Variants in ZNF384 observed in about 807,000 individuals in gnomAD.
The protein encoded by ZNF384 is zinc finger protein 384.
A neutral mutation model predicts 65.0 loss-of-function variants in ZNF384; 20 were observed. The ratio of observed to expected loss-of-function variants is 0.31; its 90% CI spans 0.22 to 0.45. ZNF384 has a LOEUF of 0.45. Ranked by LOEUF, ZNF384 falls within the 20% of genes least tolerant of loss-of-function variation. The pLI is 1.00. For synonymous variants in ZNF384, 310 were observed against 303.9 expected (o/e 1.02, Z -0.21); for missense variants, 549 against 769.4 (o/e 0.71, Z 3.39).
In ZNF384 at chr12:6,673,521, G is replaced by T; in HGVS notation, c.780-81C>A. The stretch of plus-strand genomic sequence containing the variant: ...ACCCTCCCCTCTACTTCCAAGAGAA[G>T]CCCACCTATCTGAGGTCTCTCCTAC... On this transcript the variant is annotated intron_variant, in intron 7 of 11. Transcript: ENST00000683879. This position sits in a 1 kb window ranked among gnomAD's most constrained non-coding sequence, Gnocchi z 4.7. 1.6e-6 allele frequency: 2 copies of T among 1,271,366 alleles called. No homozygotes were observed. Among genetic ancestry groups the T allele is most frequent in the Non-Finnish European group, 2.2e-6 (2 of 903,644 alleles). 78.8% of individuals were successfully genotyped at this position (1,271,366 alleles called of 1,614,324 possible).
At position 6,673,564 on chromosome 12, in the gene ZNF384, G is replaced by A. The variant is rs1952366246; in HGVS notation, c.780-124C>T. 1.4e-6 allele frequency: 1 copy of A among 705,700 alleles called. No individual in the cohort carries two copies. Among genetic ancestry groups the A allele is most frequent in the African/African-American group, 1.8e-5 (1 of 55,616 alleles). 43.7% of individuals were successfully genotyped at this position (705,700 alleles called of 1,614,324 possible). ...TCTCCTACTCCAACTTGAGAGTAGA[G>A]CTCTATATATTCATCTTTATGGCCT... On this transcript the variant is annotated intron_variant, in intron 7 of 11. Transcript: ENST00000683879. This position sits in a 1 kb window ranked among gnomAD's most constrained non-coding sequence, Gnocchi z 4.7.
intron 2 of ZNF384, among the ~76,000 whole-genome samples, chr12:6,685,562 T>C (rs903972237): frequency 3.3e-5 from 5 of 151,824 alleles, no homozygotes; most frequent in African/African-American, 9.7e-5. Context: ...TGCCTGAGCT[T>C]AGGAGTTCAA....
At position 6,678,874 on chromosome 12, in the gene ZNF384, G is replaced by A. The variant is rs768154357; in HGVS notation, c.304+72C>T. ...CACATATCCCACTCCCCATGTCCTT[G>A]GAGCCCTCCAGCCTGGGGTACTGAT... On this transcript the variant is annotated intron_variant, in intron 4 of 11. Transcript: ENST00000683879. The surrounding 1 kb of genome is among the most constrained non-coding windows in gnomAD (Gnocchi z 4.9). 1 of 1,535,734 alleles carries A rather than the reference G, an allele frequency of 6.5e-7. No individual in the cohort carries two copies. Among genetic ancestry groups the A allele is most frequent in the Non-Finnish European group, 9.0e-7 (1 of 1,114,226 alleles).
In ZNF384 at chr12:6,667,695, TG is replaced by T; in HGVS notation, c.*18del. 1 of 1,614,042 alleles carries T rather than the reference TG, an allele frequency of 6.2e-7. No individual in the cohort carries two copies. The highest frequency in any genetic ancestry group is 1.6e-4 in the Middle Eastern group (1 of 6,062). On this transcript the variant is annotated 3_prime_UTR_variant, in exon 12 of 12. Coordinates refer to ENST00000683879, the MANE Select transcript of ZNF384 (RefSeq NM_001385745.1). ...CAGGACTACTTCTTCCTCTTCCCAG[TG>T]GGTGGCAGCACGGATCTCTAAGAGC...
Position 6,673,570 on chromosome 12 carries a change from T to C in ZNF384, c.780-130A>G, listed in dbSNP as rs1016706573. Reference sequence around the variant, plus strand: ...ACTCCAACTTGAGAGTAGAGCTCTATATATTCATCTTTATGGCCTAAGCTT... The same window carrying C: ...ACTCCAACTTGAGAGTAGAGCTCTACATATTCATCTTTATGGCCTAAGCTT... On this transcript the variant is annotated intron_variant, in intron 7 of 11. Transcript: ENST00000683879. This position sits in a 1 kb window ranked among gnomAD's most constrained non-coding sequence, Gnocchi z 4.7. 1.5e-6 allele frequency: 1 copy of C among 677,088 alleles called. No individual in the cohort carries two copies. The allele number at this position is 677,088 out of a possible 1,614,324, so 41.9% of individuals were successfully genotyped here.
rs1398096425 is a variant in ZNF384, at chr12:6,679,144, G to A, written c.106C>T (p.Leu36=). 6.2e-7 allele frequency: 1 copy of A among 1,602,380 alleles called. No individual in the cohort carries two copies. The highest frequency in any genetic ancestry group is 8.5e-7 in the Non-Finnish European group (1 of 1,172,914). The change falls in exon 4 of 12, where the codon CTG becomes TTG. Residue 36 remains leucine (L), a synonymous_variant. Coordinates refer to ENST00000683879, the MANE Select transcript of ZNF384 (RefSeq NM_001385745.1). ...TMFINKMKDQ[L]LPEKGCGLAP... is the part of the protein sequence containing the mutation. Reference sequence around the variant, plus strand: ...AGACCACAGCCCTTCTCTGGCAACAGCTGATCCTTCATCTTGTTGATGAAC... The same window carrying A: ...AGACCACAGCCCTTCTCTGGCAACAACTGATCCTTCATCTTGTTGATGAAC...
rs1445772213 is a variant in ZNF384, at chr12:6,670,848, A to G, written c.1188-10T>C. 2 of 1,613,254 alleles carry G rather than the reference A, an allele frequency of 1.2e-6. No homozygotes were observed. Among genetic ancestry groups the G allele is most frequent in the Non-Finnish European group, 1.7e-6 (2 of 1,179,314 alleles). On this transcript the variant is annotated splice_polypyrimidine_tract_variant and intron_variant, in intron 9 of 11. Transcript: ENST00000683879. ...ATCACCAGTGTGGATTCTGCACAGG[A>G]TAAGAGAAAAAAGGGAAAGAATGTC... is the stretch of plus-strand genomic sequence containing the variant.
At chr12:6,668,349 A>AT (rs1209951366) in intron 11 of ZNF384, among the ~76,000 whole-genome samples, 1 of 152,056 alleles carries the variant, frequency 6.6e-6, no homozygotes, top group African/African-American at 2.4e-5. Context: ...ATGAGCTGCT[A>AT]TTTTTTTCAA....
In ZNF384 at chr12:6,678,372, A is replaced by G. The variant is rs1342613815; in HGVS notation, c.441T>C (p.Ile147=). ...GTGAGCCAGGGGGAAGAGCTGAGAC[A>G]ATCATGGGAGCCGAAATGGGGAAGG... ...AQTFPISAPM[I]VSALPPGSQA... The change falls in exon 6 of 12, where the codon ATT becomes ATC. Residue 147 remains isoleucine (I), a synonymous_variant. Coordinates refer to ENST00000683879, the MANE Select transcript of ZNF384 (RefSeq NM_001385745.1). This position sits in a 1 kb window ranked among gnomAD's most constrained non-coding sequence, Gnocchi z 4.9. The G allele has an allele frequency of 6.8e-6, 11 of 1,613,792 alleles. No homozygotes were observed. Among genetic ancestry groups the G allele is most frequent in the Admixed American group, 1.7e-5 (1 of 59,950 alleles).
At position 6,673,035 on chromosome 12, in the gene ZNF384, T is replaced by C. The variant is rs1443388794; in HGVS notation, c.1004+181A>G. Reference sequence around the variant, plus strand: ...CAGACTTTGGAATTGGAGACCACAATTTTCAAGGCCCCCCAAATAGCTAGG... The same window carrying C: ...CAGACTTTGGAATTGGAGACCACAACTTTCAAGGCCCCCCAAATAGCTAGG... On this transcript the variant is annotated intron_variant, in intron 8 of 11. Coordinates refer to ENST00000683879, the MANE Select transcript of ZNF384 (RefSeq NM_001385745.1). This position sits in a 1 kb window ranked among gnomAD's most constrained non-coding sequence, Gnocchi z 4.7. 1.6e-6 allele frequency: 1 copy of C among 640,186 alleles called. No homozygotes were observed. The highest frequency in any genetic ancestry group is 1.8e-5 in the African/African-American group (1 of 54,390). The allele number at this position is 640,186 out of a possible 1,614,324, so 39.7% of individuals were successfully genotyped here. A position where few individuals can be genotyped will look rare whatever the true frequency, so the allele number is the denominator to read the frequency against.
Position 6,678,587 on chromosome 12 carries a change from G to A in ZNF384, c.352+76C>T, listed in dbSNP as rs1403826242. The A allele has an allele frequency of 1.9e-5, 30 of 1,570,774 alleles. No individual in the cohort carries two copies. The Admixed American group carries it at 5.1e-4, about 26-fold the overall frequency. On this transcript the variant is annotated intron_variant, in intron 5 of 11. Transcript: ENST00000683879. This position sits in a 1 kb window ranked among gnomAD's most constrained non-coding sequence, Gnocchi z 4.9. ...CCGCCGACCCAACCCAGAGTACACA[G>A]GAAATCCCAAACCCTGTAGAAAAAT...
chr12:6,667,053 A>G lies in ZNF384; in HGVS notation c.*661T>C, dbSNP rs1949948554. The G allele has an allele frequency of 4.4e-6, 1 of 227,896 alleles. No individual in the cohort carries two copies. The highest frequency in any genetic ancestry group is 8.7e-6 in the Non-Finnish European group (1 of 114,526). The allele number at this position is 227,896 out of a possible 1,614,324, so 14.1% of individuals were successfully genotyped here. On this transcript the variant is annotated 3_prime_UTR_variant, in exon 12 of 12. Transcript: ENST00000683879. ...CTTCAAGGAAATCCGTAAAACCATA[A>G]CACACACTTCTAAGCCACCTGTGAC...
In ZNF384 at chr12:6,667,102, T is replaced by C. The variant is rs1949956846; in HGVS notation, c.*612A>G. ...ACCAACTTGGGAATTTCTGGCCCCTTGGGGACCACATCTCAGCCCTTGCCC... is the reference window on the plus strand; with the variant it reads ...ACCAACTTGGGAATTTCTGGCCCCTCGGGGACCACATCTCAGCCCTTGCCC... On this transcript the variant is annotated 3_prime_UTR_variant, in exon 12 of 12. Transcript: ENST00000683879. 4.3e-6 allele frequency: 1 copy of C among 234,566 alleles called. No homozygotes were observed. Among genetic ancestry groups the C allele is most frequent in the Non-Finnish European group, 8.5e-6 (1 of 118,068 alleles). 14.5% of individuals were successfully genotyped at this position (234,566 alleles called of 1,614,324 possible).
chr12:6,670,637 T>G, intron 10 of ZNF384, 123 bp downstream of exon 10: 1 of 903,786 alleles, frequency 1.1e-6, no homozygotes, highest in Non-Finnish European at 1.8e-6. Flanking sequence ...AAACAAAAAC[T>G]CTTTGGGTCC....
chr12:6,668,556 T>C (rs1214472038), intron 11 of ZNF384, among the ~76,000 whole-genome samples: 1 of 151,530 alleles, frequency 6.6e-6, no homozygotes, highest in Non-Finnish European at 1.5e-5. Context: ...TACAAAAAGT[T>C]GCTGGGCATG....
At position 6,673,981 on chromosome 12, in the gene ZNF384, A is replaced by C. The variant is rs1952545584; in HGVS notation, c.780-541T>G. On this transcript the variant is annotated intron_variant, in intron 7 of 11. Coordinates refer to ENST00000683879, the MANE Select transcript of ZNF384 (RefSeq NM_001385745.1). The surrounding 1 kb of genome is among the most constrained non-coding windows in gnomAD (Gnocchi z 4.7). ...AGGGATGGGGGTGAGGAAGTATCAG[A>C]ATTATTTGGAGGGGCTTTTTCAAAC... Among the ~76,000 whole-genome samples the C allele has an allele frequency of 6.6e-6, 1 of 152,014 alleles. No individual in the cohort carries two copies. Among genetic ancestry groups the C allele is most frequent in the Non-Finnish European group, 1.5e-5 (1 of 68,016 alleles).
Position 6,667,739 on chromosome 12 carries a change from T to C in ZNF384, c.1802A>G (p.Gln601Arg). 1 of 1,614,194 alleles carries C rather than the reference T, an allele frequency of 6.2e-7. No homozygotes were observed. Among genetic ancestry groups the C allele is most frequent in the Non-Finnish European group, 8.5e-7 (1 of 1,180,030 alleles). The part of the protein sequence containing the change: ...ICLTVTTSTI[Q>R]VEHLASS ...CTAAGAGCTGGCCAGGTGCTCCACC[T>C]GGATGGTGCTGGTGGTGACAGTGAG... Residue 601 changes from glutamine to arginine, a missense_variant, in exon 12 of 12, where the codon CAG (glutamine) becomes CGG (arginine). Gln to Arg is a conservative substitution (Grantham distance 43, BLOSUM62 1). Around this residue, in one of 5 missense-constraint regions of ZNF384, gnomAD observed 136 missense variants for 183.0 expected, o/e 0.74. Coordinates refer to ENST00000683879, the MANE Select transcript of ZNF384 (RefSeq NM_001385745.1).
intron 7 of ZNF384, among the ~76,000 whole-genome samples, chr12:6,676,952 G>C (rs1381725134): frequency 6.6e-6 from 1 of 152,188 alleles, no homozygotes; most frequent in Non-Finnish European, 1.5e-5. Flanking sequence ...TTTATAAAGA[G>C]CGGTTTAAAC....
chr12:6,668,210 G>C, intron 11 of ZNF384, 95 bp from the exon 12 acceptor site: 1 of 1,310,722 alleles, frequency 7.6e-7, no homozygotes, highest in Non-Finnish European at 1.1e-6. Flanking sequence ...GCTGTAAGCA[G>C]AGTAAGCTTT....
Sources: gnomAD v4.1 joint callset for allele counts (sites outside exome capture counted in the v4.1 genomes callset) on GRCh38, gnomAD v4.1.1 for gene constraint, gnomAD v4.1.1 regional missense constraint, Gnocchi (gnomAD v3.1) non-coding constraint, MANE v1.5 for transcripts, NCBI Gene and HGNC (gene_info 2026-07-23, HGNC 2026-07-21) for gene names.